The following BMPR1B variants were observed in gnomAD, a reference collection of about 807,000 sequenced individuals.
BMPR1B encodes the protein bone morphogenetic protein receptor type 1B.
A neutral mutation model predicts 59.1 loss-of-function variants in BMPR1B; 12 were observed. That is an observed-to-expected ratio of 0.20 (90% CI 0.13 to 0.33). BMPR1B has a LOEUF of 0.33. Among genes scored for constraint, BMPR1B ranks in the 10% least tolerant of loss-of-function variants. BMPR1B has a pLI of 1.00. For missense variants in BMPR1B, 550 were observed against 610.9 expected (o/e 0.90, Z 1.05); for synonymous variants, 237 against 207.3 (o/e 1.14, Z -1.23).
intron 2 of BMPR1B, among the ~76,000 whole-genome samples, chr4:94,953,476 C>T (rs888160140): frequency 2.8e-4 from 43 of 152,160 alleles, no homozygotes; most frequent in Non-Finnish European, 4.9e-4. Context: ...AATCCTTCAG[C>T]ATTTGCTTGT....
intron 10 of BMPR1B, among the ~76,000 whole-genome samples, chr4:95,138,916 C>T (rs564560122): frequency 9.2e-5 from 14 of 152,330 alleles, no homozygotes; most frequent in Admixed American, 3.3e-4. Flanking sequence ...TCTCTCAACT[C>T]GTCAAAGTCA....
chr4:94,938,966 C>T (rs956713794), intron 2 of BMPR1B, among the ~76,000 whole-genome samples: 1 of 152,034 alleles, frequency 6.6e-6, no homozygotes, highest in Non-Finnish European at 1.5e-5. Flanking sequence ...AGCTGTGATG[C>T]AGCCACTGTA....
intron 2 of BMPR1B, among the ~76,000 whole-genome samples, chr4:94,973,615 G>A (rs932725998): frequency 6.6e-6 from 1 of 152,124 alleles, no homozygotes; most frequent in African/African-American, 2.4e-5. Flanking sequence ...GGGGCCATGG[G>A]TTGTTTAGGA....
chr4:95,051,593 C>T (rs865852748), intron 3 of BMPR1B: 10 of 1,058,584 alleles, frequency 9.4e-6, no homozygotes, highest in Admixed American at 2.1e-5. Flanking sequence ...GGCAGGCTTG[C>T]GAGAAGATCT....
At chr4:94,828,503 A>C (rs1383453763) in intron 1 of BMPR1B, among the ~76,000 whole-genome samples, 1 of 152,214 alleles carries the variant, frequency 6.6e-6, no homozygotes, top group African/African-American at 2.4e-5. Context: ...TCCAGGGTCA[A>C]ATAATTTTGT....
chr4:95,019,529 T>G (rs1335035809), intron 3 of BMPR1B, among the ~76,000 whole-genome samples: 5 of 152,130 alleles, frequency 3.3e-5, no homozygotes, highest in African/African-American at 7.2e-5. Flanking sequence ...TAAAGGTGGG[T>G]TTAGGTAAAA....
intron 1 of BMPR1B, among the ~76,000 whole-genome samples, chr4:94,803,349 C>T (rs558137980): frequency 6.6e-6 from 1 of 152,274 alleles, no homozygotes; most frequent in African/African-American, 2.4e-5. Context: ...TGCTAAAACT[C>T]TGTATCTCCT....
At chr4:94,804,566 T>C (rs1723535752) in intron 1 of BMPR1B, among the ~76,000 whole-genome samples, 1 of 151,832 alleles carries the variant, frequency 6.6e-6, no homozygotes, top group African/African-American at 2.4e-5. Flanking sequence ...TTGAATAACT[T>C]TTCATATAAC....
intron 2 of BMPR1B, among the ~76,000 whole-genome samples, chr4:94,979,563 G>GT (rs1731156941): frequency 6.6e-6 from 1 of 152,134 alleles, no homozygotes. Context: ...GAAACCTTGT[G>GT]TTTTTGTAAG....
At chr4:94,980,283 A>C (rs1316803713) in intron 2 of BMPR1B, among the ~76,000 whole-genome samples, 1 of 152,222 alleles carries the variant, frequency 6.6e-6, no homozygotes, top group Non-Finnish European at 1.5e-5. Context: ...TAGGCAAAGC[A>C]TGGTTATAAT....
chr4:94,908,087 A>G (rs950313929), intron 2 of BMPR1B, among the ~76,000 whole-genome samples: 2 of 120,290 alleles, frequency 1.7e-5, no homozygotes, highest in African/African-American at 4.5e-5. Context: ...AAAAAAAAAA[A>G]AAAGAAAAAA....
In BMPR1B at chr4:94,883,207, TAA is replaced by T. The variant is rs1206736988; in HGVS notation, c.-113+7309_-113+7310del. Among the ~76,000 whole-genome samples the T allele has an allele frequency of 3.3e-5, 5 of 152,302 alleles. No homozygotes were observed. The East Asian group carries it at 5.8e-4, about 18-fold the overall frequency. ...CTAGTCCAGAGCTGTTTGTTTATTATAAAGTGATGTGCATCTGAGGGAGAGAG... is the reference window on the plus strand; with the variant it reads ...CTAGTCCAGAGCTGTTTGTTTATTATAGTGATGTGCATCTGAGGGAGAGAG... On this transcript the variant is annotated intron_variant, in intron 2 of 12. Coordinates refer to ENST00000515059, the MANE Select transcript of BMPR1B (RefSeq NM_001203.3).
chr4:95,018,911 G>T (rs921004265), intron 3 of BMPR1B, among the ~76,000 whole-genome samples: 2 of 152,130 alleles, frequency 1.3e-5, no homozygotes, highest in Admixed American at 1.3e-4. Context: ...TAATTAATGG[G>T]ATAGCAAGGG....
intron 2 of BMPR1B, among the ~76,000 whole-genome samples, chr4:94,933,871 C>A (rs1344819928): frequency 6.6e-6 from 1 of 152,062 alleles, no homozygotes; most frequent in Non-Finnish European, 1.5e-5. Flanking sequence ...GTACCATGAC[C>A]TCACTGAACA....
chr4:94,787,037 G>T (rs1190320833), intron 1 of BMPR1B, among the ~76,000 whole-genome samples: 1 of 152,026 alleles, frequency 6.6e-6, no homozygotes, highest in Non-Finnish European at 1.5e-5. Flanking sequence ...TTTTACCAGG[G>T]CGACAAGGAA....
chr4:94,844,206 T>A (rs1400517902), intron 1 of BMPR1B, among the ~76,000 whole-genome samples: 1 of 151,578 alleles, frequency 6.6e-6, no homozygotes, highest in African/African-American at 2.4e-5. Context: ...ATGTAGCCAT[T>A]CTATTCTGAA....
intron 1 of BMPR1B, among the ~76,000 whole-genome samples, chr4:94,839,683 C>A (rs373267593): frequency 7.2e-6 from 1 of 139,668 alleles, no homozygotes; most frequent in East Asian, 2.0e-4. Flanking sequence ...TTCCTGAATG[C>A]AGCACACTGA....
intron 9 of BMPR1B, 80 bp downstream of exon 9, chr4:95,130,134 A>G: frequency 6.6e-7 from 1 of 1,515,658 alleles, no homozygotes; most frequent in South Asian, 1.1e-5. Context: ...ATGTTAACTC[A>G]TCTGTCTAGA....
At chr4:94,969,167 T>C (rs944523838) in intron 2 of BMPR1B, among the ~76,000 whole-genome samples, 2 of 152,104 alleles carry the variant, frequency 1.3e-5, no homozygotes, top group African/African-American at 2.4e-5. Flanking sequence ...CCCAAGTAGC[T>C]GGGACTACAT....
Sources: gnomAD v4.1 joint callset for allele counts (sites outside exome capture counted in the v4.1 genomes callset) on GRCh38, gnomAD v4.1.1 for gene constraint, MANE v1.5 for transcripts, NCBI Gene and HGNC (gene_info 2026-07-23, HGNC 2026-07-21) for gene names.